Variants in DHRSX observed in about 807,000 individuals in gnomAD.
DHRSX encodes the protein polyprenol dehydrogenase.
In DHRSX, 31 loss-of-function variants were observed where a neutral mutation model predicts 34.0. The observed-to-expected ratio is 0.91, with a 90% CI of 0.69 to 1.23. The LOEUF is 1.23. DHRSX is among the 50% of genes most tolerant of loss of function. The probability of loss-of-function intolerance (pLI) is 0.00; values close to 1 mark genes in which losing one functional copy is unlikely to be tolerated. For missense variants in DHRSX, 414 were observed against 428.1 expected, an observed-to-expected ratio of 0.97 and a Z score of 0.29; for synonymous variants, 201 against 183.8, an observed-to-expected ratio of 1.09 and a Z score of -0.76.
At chrX:2,459,860 C>G (rs1418406532) in intron 1 of DHRSX, among the ~76,000 whole-genome samples, 3 of 152,048 alleles carry the variant, frequency 2.0e-5, no homozygotes, top group South Asian at 2.1e-4. Flanking sequence ...GTCATCCCAG[C>G]ACTTTGGGAG....
intron 5 of DHRSX, among the ~76,000 whole-genome samples, chrX:2,251,683 G>A (rs1450090427): frequency 1.3e-5 from 2 of 152,136 alleles, no homozygotes; most frequent in African/African-American, 4.8e-5. Flanking sequence ...TGGCCTTGCT[G>A]AGGAAATTAA....
intron 3 of DHRSX, among the ~76,000 whole-genome samples, chrX:2,406,709 G>A (rs867201867): frequency 1.9e-3 from 284 of 152,252 alleles, no homozygotes; most frequent in African/African-American, 6.5e-3. Flanking sequence ...CCAAAGTGCT[G>A]GGATTACAGG....
intron 3 of DHRSX, among the ~76,000 whole-genome samples, chrX:2,399,009 A>C (rs6642035): frequency 0.58 from 87,618 of 151,654 alleles, 26,013 homozygotes; most frequent in Middle Eastern, 0.73. Context: ...CCCGCCACCA[A>C]GCCCAGCTAA....
chrX:2,492,375 C>T (rs936968568), intron 1 of DHRSX, among the ~76,000 whole-genome samples: 37 of 151,972 alleles, frequency 2.4e-4, no homozygotes, highest in African/African-American at 7.0e-4. Context: ...AAACCCAGAA[C>T]GCCTGGAGCC....
intron 5 of DHRSX, among the ~76,000 whole-genome samples, chrX:2,247,202 G>C (rs1023853455): frequency 2.6e-5 from 4 of 152,096 alleles, no homozygotes; most frequent in African/African-American, 9.7e-5. Flanking sequence ...ACCCACCTTG[G>C]CCTTCCAAAG....
chrX:2,315,887 A>T (rs1223689514), intron 3 of DHRSX, among the ~76,000 whole-genome samples: 1 of 152,096 alleles, frequency 6.6e-6, no homozygotes, highest in Non-Finnish European at 1.5e-5. Context: ...TTTGAGACAG[A>T]GTCTCACTCT....
At chrX:2,329,123 C>T (rs1380462416) in intron 3 of DHRSX, among the ~76,000 whole-genome samples, 1 of 152,080 alleles carries the variant, frequency 6.6e-6, no homozygotes, top group Admixed American at 6.6e-5. Flanking sequence ...ACTTGTACTC[C>T]CAGGTATTTA....
At chrX:2,357,116 C>T (rs1257584010) in intron 3 of DHRSX, among the ~76,000 whole-genome samples, 40 of 151,884 alleles carry the variant, frequency 2.6e-4, no homozygotes, top group African/African-American at 8.2e-4. Flanking sequence ...TGGTGGCGTG[C>T]GCCTGTAATG....
At chrX:2,366,447 A>AAAAAG (rs373850163) in intron 3 of DHRSX, among the ~76,000 whole-genome samples, 1 of 152,170 alleles carries the variant, frequency 6.6e-6, no homozygotes, top group African/African-American at 2.4e-5. Context: ...TCTCAAAAAA[A>AAAAAG]AAAAGAAAAG....
chrX:2,264,358 T>C (rs76625083), intron 5 of DHRSX, among the ~76,000 whole-genome samples: 1,901 of 136,808 alleles, frequency 0.014, 31 homozygotes, highest in Middle Eastern at 0.072. Flanking sequence ...CAGGGAGCAC[T>C]GTGCCCAGAG....
intron 1 of DHRSX, among the ~76,000 whole-genome samples, chrX:2,443,545 G>T (rs2044088663): frequency 6.6e-6 from 1 of 152,128 alleles, no homozygotes; most frequent in Admixed American, 6.6e-5. Flanking sequence ...TGAGCTGCAT[G>T]ACAGGGGAAA....
chrX:2,289,937 T>C (rs1164605548), intron 4 of DHRSX, among the ~76,000 whole-genome samples: 1 of 152,256 alleles, frequency 6.6e-6, no homozygotes, highest in Admixed American at 6.5e-5. Context: ...TAATACGATG[T>C]TTCTTACCAG....
At chrX:2,365,175 G>C (rs1445993817) in intron 3 of DHRSX, among the ~76,000 whole-genome samples, 1 of 152,186 alleles carries the variant, frequency 6.6e-6, no homozygotes, top group African/African-American at 2.4e-5. Flanking sequence ...TACAGAATGG[G>C]AGAAAATTTT....
intron 1 of DHRSX, among the ~76,000 whole-genome samples, chrX:2,465,433 G>A (rs28647505): frequency 0.19 from 29,396 of 151,852 alleles, 3,985 homozygotes; most frequent in African/African-American, 0.39. Flanking sequence ...ACAAAATCAA[G>A]CTGTGAGGAG....
intron 1 of DHRSX, among the ~76,000 whole-genome samples, chrX:2,446,388 G>T (rs553488145): frequency 6.7e-6 from 1 of 150,200 alleles, no homozygotes; most frequent in South Asian, 2.1e-4. Context: ...CCAAGGGACC[G>T]CCACCGTGTA....
At chrX:2,454,297 C>T (rs759421266) in intron 1 of DHRSX, among the ~76,000 whole-genome samples, 5 of 152,122 alleles carry the variant, frequency 3.3e-5, no homozygotes, top group South Asian at 2.1e-4. Context: ...GAGGCTGAGG[C>T]GGGTGGATCA....
At chrX:2,342,075 G>C (rs1453157245) in intron 3 of DHRSX, among the ~76,000 whole-genome samples, 1 of 152,086 alleles carries the variant, frequency 6.6e-6, no homozygotes, top group Admixed American at 6.6e-5. Flanking sequence ...CAATGTGCTG[G>C]GATTACAGGC....
At chrX:2,356,037 C>A (rs2042847042) in intron 3 of DHRSX, among the ~76,000 whole-genome samples, 1 of 148,268 alleles carries the variant, frequency 6.7e-6, no homozygotes, top group Middle Eastern at 3.7e-3. Context: ...TTGCACTCCA[C>A]CCTGGGCAAC....
At chrX:2,359,932 G>C (rs2042907514) in intron 3 of DHRSX, among the ~76,000 whole-genome samples, 1 of 152,096 alleles carries the variant, frequency 6.6e-6, no homozygotes, top group Non-Finnish European at 1.5e-5. Flanking sequence ...CAGAAGGTGG[G>C]AGGAGGGACA....
Sources: gnomAD v4.1 joint callset for allele counts (sites outside exome capture counted in the v4.1 genomes callset) on GRCh38, gnomAD v4.1.1 for gene constraint, MANE v1.5 for transcripts, NCBI Gene and HGNC (gene_info 2026-07-23, HGNC 2026-07-21) for gene names.